Variants in CFAP43 observed in about 807,000 individuals in gnomAD.
CFAP43 encodes the protein cilia- and flagella-associated protein 43.
CFAP43 carries 155 observed loss-of-function variants against 218.9 expected under a neutral mutation model. The ratio of observed to expected loss-of-function variants is 0.71; its 90% CI spans 0.62 to 0.81. The LOEUF (loss-of-function observed/expected upper bound fraction) is 0.81. CFAP43 is among the 30% of genes least tolerant of loss of function. CFAP43 has a pLI of 0.00. For missense variants in CFAP43, 1,778 were observed against 1,954.3 expected, an observed-to-expected ratio of 0.91 and a Z score of 1.70; for synonymous variants, 645 against 681.3, an observed-to-expected ratio of 0.95 and a Z score of 0.83.
intron 28 of CFAP43, 64 bp from the exon 29 acceptor site, chr10:104,148,062 G>A: frequency 9.7e-7 from 1 of 1,028,384 alleles, no homozygotes; most frequent in Non-Finnish European, 1.4e-6. Flanking sequence ...ATTTTCTATA[G>A]ACTTGGCACT....
rs745836310 is a variant in CFAP43 at position 104,174,782 on chromosome 10, G to C, written c.2461-2247C>G. Among the ~76,000 whole-genome samples the C allele has an allele frequency of 5.9e-5, 9 of 152,074 alleles. No homozygotes were observed. The South Asian group carries it at 1.2e-3, about 21-fold the overall frequency. ...TTAATGAAAATATAACTGGCCGGGC[G>C]TGGTGGCCCACGCCTGTAATCCCAG... On this transcript the variant is annotated intron_variant, in intron 19 of 37. Coordinates refer to ENST00000357060, the MANE Select transcript of CFAP43 (RefSeq NM_025145.7).
At chr10:104,133,235 G>A (rs1423958458) in intron 35 of CFAP43, among the ~76,000 whole-genome samples, 1 of 152,172 alleles carries the variant, frequency 6.6e-6, no homozygotes, top group Non-Finnish European at 1.5e-5. Flanking sequence ...TTGAAGAACG[G>A]CTATATTGAA....
In CFAP43 at chr10:104,168,738, T is replaced by G. The variant is rs367976853; in HGVS notation, c.2691+6A>C. 3.7e-6 allele frequency: 6 copies of G among 1,610,690 alleles called. No homozygotes were observed. The highest frequency in any genetic ancestry group is 5.1e-6 in the Non-Finnish European group (6 of 1,177,028). ...CAGGTTTTGTACCTAGGGTTCTATC[T>G]GTTACCTTAAGAGCTCGACCTTTCA... On this transcript the variant is annotated splice_donor_region_variant and intron_variant, in intron 21 of 37. Transcript: ENST00000357060.
At position 104,187,399 on chromosome 10, in the gene CFAP43, A is replaced by G. The variant is rs1454007338; in HGVS notation, c.1781T>C (p.Val594Ala). The change falls in exon 14 of 38, where the codon GTC (valine) becomes GCC (alanine). Residue 594 changes from valine to alanine, a missense_variant. Transcript: ENST00000357060. ...TATTTGGTTACTTTGAAAGCCCAAG[A>G]CTGCAGAGGACAGAGCGTGCTCCAA... is the stretch of plus-strand genomic sequence containing the variant. ...YELEHALSSA[V>A]LGFQSNQIYG... 1.9e-6 allele frequency: 3 copies of G among 1,612,004 alleles called. No homozygotes were observed. Among genetic ancestry groups the G allele is most frequent in the Admixed American group, 3.4e-5 (2 of 59,448 alleles).
chr10:104,166,346 A>G, intron 23 of CFAP43, 142 bp downstream of exon 23: 1 of 641,486 alleles, frequency 1.6e-6, no homozygotes, highest in East Asian at 2.7e-5. Flanking sequence ...TACTGGGATT[A>G]CAGGTGTGAG....
chr10:104,148,019 A>G (rs1325253206), intron 28 of CFAP43, 21 bp from the exon 29 acceptor site: 1 of 1,513,160 alleles, frequency 6.6e-7, no homozygotes, highest in Non-Finnish European at 8.9e-7. Context: ...ATTTAAGAAA[A>G]AGGTTGGTGG....
chr10:104,152,543 C>T, intron 28 of CFAP43, 64 bp downstream of exon 28: 1 of 1,598,518 alleles, frequency 6.3e-7, no homozygotes, highest in Non-Finnish European at 8.5e-7. Flanking sequence ...TGATCTTCAT[C>T]CTAAGAACCA....
At chr10:104,210,981 C>T (rs1971805) in intron 5 of CFAP43, among the ~76,000 whole-genome samples, 20,736 of 151,454 alleles carry the variant, frequency 0.14, 1,483 homozygotes, top group South Asian at 0.21. Context: ...TTAGTAGAGA[C>T]GGGGTTTCAC....
At chr10:104,181,439 T>C (rs2089840777) in intron 17 of CFAP43, among the ~76,000 whole-genome samples, 1 of 152,220 alleles carries the variant, frequency 6.6e-6, no homozygotes, top group African/African-American at 2.4e-5. Flanking sequence ...GGAAACATTC[T>C]CCTCATAGCA....
chr10:104,186,505 C>T (rs892973766), intron 14 of CFAP43, among the ~76,000 whole-genome samples: 5 of 152,176 alleles, frequency 3.3e-5, no homozygotes, highest in African/African-American at 9.7e-5. Flanking sequence ...AGCCTCTGCA[C>T]GTGTCCTTCC....
chr10:104,205,066 A>G (rs1320636846), intron 7 of CFAP43, among the ~76,000 whole-genome samples: 1 of 152,008 alleles, frequency 6.6e-6, no homozygotes, highest in Admixed American at 6.6e-5. Flanking sequence ...TACAATAATT[A>G]GCAGGGCGTG....
chr10:104,166,147 C>T (rs2089138992), intron 23 of CFAP43, among the ~76,000 whole-genome samples: 1 of 152,158 alleles, frequency 6.6e-6, no homozygotes, highest in African/African-American at 2.4e-5. Flanking sequence ...GATCTCGGCT[C>T]ACTGCAACCT....
chr10:104,206,981 C>T (rs1250292998), intron 6 of CFAP43, among the ~76,000 whole-genome samples: 5 of 152,082 alleles, frequency 3.3e-5, no homozygotes, highest in African/African-American at 1.2e-4. Context: ...CAAGATCAGC[C>T]GGGCCAACAT....
intron 3 of CFAP43, among the ~76,000 whole-genome samples, chr10:104,219,467 GA>G (rs1485339369): frequency 6.6e-6 from 1 of 152,184 alleles, no homozygotes; most frequent in Non-Finnish European, 1.5e-5. Flanking sequence ...ATAATTGGCT[GA>G]AAGGAATCTT....
chr10:104,162,387 T>C lies in CFAP43; in HGVS notation c.3263A>G (p.His1088Arg), dbSNP rs539100871. ...VQDEEITAHK[H>R]IKPWHKAKEL... is the part of the protein sequence containing the mutation. The stretch of plus-strand genomic sequence containing the variant: ...TTTGGCTTTGTGCCACGGCTTAATG[T>C]GTTTGTGGGCTGTAATCTGAAAGAG... Residue 1088 changes from histidine to arginine, a missense_variant, in exon 25 of 38, where the codon CAC becomes CGC. Physicochemically the swap from His to Arg is conservative, Grantham distance 29. Transcript: ENST00000357060. The C allele has an allele frequency of 6.2e-7, 1 of 1,614,048 alleles. No individual in the cohort carries two copies. The highest frequency in any genetic ancestry group is 1.3e-5 in the African/African-American group (1 of 75,062).
chr10:104,225,384 T>G, intron 3 of CFAP43, 77 bp downstream of exon 3: 2 of 1,156,090 alleles, frequency 1.7e-6, no homozygotes, highest in Non-Finnish European at 2.4e-6. Flanking sequence ...TCATGTCTAT[T>G]TCCTTCGATA....
chr10:104,187,639 A>T, intron 13 of CFAP43, 147 bp from the exon 14 acceptor site: 1 of 646,420 alleles, frequency 1.5e-6, no homozygotes, highest in Non-Finnish European at 2.4e-6. Context: ...AATGATTTAA[A>T]AACACTTGTC....
intron 12 of CFAP43, among the ~76,000 whole-genome samples, chr10:104,189,447 A>G (rs549285831): frequency 6.6e-6 from 1 of 152,284 alleles, no homozygotes; most frequent in Admixed American, 6.5e-5. Context: ...TAGCTCTCTC[A>G]GGGATCACCT....
At chr10:104,231,832 G>C (rs936698428) in intron 1 of CFAP43, among the ~76,000 whole-genome samples, 2 of 152,184 alleles carry the variant, frequency 1.3e-5, no homozygotes, top group East Asian at 1.9e-4. Context: ...CCAGGTGGAG[G>C]GGGAGGGGGA....
Sources: allele counts gnomAD v4.1 joint callset (sites outside exome capture counted in the v4.1 genomes callset), GRCh38; gene constraint gnomAD v4.1.1; transcripts MANE v1.5; gene names NCBI Gene and HGNC (gene_info 2026-07-23, HGNC 2026-07-21).